Variants in ASAP1 observed in about 807,000 individuals in gnomAD.
ASAP1 encodes ArfGAP with SH3 domain, ankyrin repeat and PH domain 1, also known as arf-GAP with SH3 domain, ANK repeat and PH domain-containing protein 1.
A neutral mutation model predicts 145.2 loss-of-function variants in ASAP1; 43 were observed. That is an observed-to-expected ratio of 0.30 (90% CI 0.23 to 0.38). The LOEUF is 0.38. ASAP1 is among the 10% of genes least tolerant of loss of function. The pLI is 1.00. For missense variants in ASAP1, 1,018 were observed against 1,355.3 expected (o/e 0.75, Z 3.91); for synonymous variants, 546 against 515.5 (o/e 1.06, Z -0.80).
At chr8:130,071,583 G>A (rs973071296) in intron 27 of ASAP1, among the ~76,000 whole-genome samples, 2 of 152,164 alleles carry the variant, frequency 1.3e-5, no homozygotes, top group African/African-American at 2.4e-5. Flanking sequence ...ATGGAGAGAA[G>A]GAGAAATAGT....
chr8:130,189,896 A>G (rs1815020096), intron 5 of ASAP1, among the ~76,000 whole-genome samples: 1 of 152,106 alleles, frequency 6.6e-6, no homozygotes, highest in Non-Finnish European at 1.5e-5. Flanking sequence ...CATTCCTCTG[A>G]TGATTAGTGA....
chr8:130,129,164 A>C (rs1445031108), intron 15 of ASAP1, among the ~76,000 whole-genome samples: 1 of 152,216 alleles, frequency 6.6e-6, no homozygotes, highest in Non-Finnish European at 1.5e-5. Flanking sequence ...CCCTTCCACC[A>C]TAATTGTAAG....
intron 25 of ASAP1, 146 bp downstream of exon 25, chr8:130,091,827 A>G: frequency 1.2e-6 from 1 of 851,610 alleles, no homozygotes; most frequent in Non-Finnish European, 1.7e-6. Flanking sequence ...AGACAGGTAG[A>G]ATCATGTCAT....
At chr8:130,268,318 T>G (rs1345774181) in intron 3 of ASAP1, among the ~76,000 whole-genome samples, 1 of 151,722 alleles carries the variant, frequency 6.6e-6, no homozygotes, top group Non-Finnish European at 1.5e-5. Context: ...AGACTTTGCC[T>G]CTACAAAAAT....
chr8:130,255,511 C>A (rs949176475), intron 3 of ASAP1, among the ~76,000 whole-genome samples: 2 of 152,160 alleles, frequency 1.3e-5, no homozygotes, highest in African/African-American at 4.8e-5. Flanking sequence ...AGCATTGTAT[C>A]ACTCTGATAG....
At chr8:130,442,667 A>C (rs1830525532) in intron 1 of ASAP1, among the ~76,000 whole-genome samples, 1 of 152,148 alleles carries the variant, frequency 6.6e-6, no homozygotes, top group Non-Finnish European at 1.5e-5. Context: ...GTTGAGGTCA[A>C]GTTAACGATG....
At chr8:130,108,119 G>C (rs887340821) in intron 24 of ASAP1, among the ~76,000 whole-genome samples, 71 of 152,290 alleles carry the variant, frequency 4.7e-4, no homozygotes, top group African/African-American at 1.6e-3. Context: ...ATCTATTGAC[G>C]CTCTCAGTAT....
intron 3 of ASAP1, among the ~76,000 whole-genome samples, chr8:130,274,798 A>G (rs1820784776): frequency 6.6e-6 from 1 of 152,210 alleles, no homozygotes; most frequent in Non-Finnish European, 1.5e-5. Flanking sequence ...CTTGATCCAC[A>G]TAAAGCCTTC....
intron 1 of ASAP1, among the ~76,000 whole-genome samples, chr8:130,418,707 T>G (rs1405156085): frequency 6.6e-6 from 1 of 151,606 alleles, no homozygotes; most frequent in East Asian, 1.9e-4. Context: ...AAAATAACAA[T>G]ATAACCTCTG....
chr8:130,237,842 T>C (rs917900678), intron 3 of ASAP1, among the ~76,000 whole-genome samples: 2 of 152,150 alleles, frequency 1.3e-5, no homozygotes, highest in African/African-American at 4.8e-5. Flanking sequence ...CTGGACTAAC[T>C]TGTTAAAACA....
rs144016631 is a variant in ASAP1, at chr8:130,279,712, G to A, written c.187-42718C>T. Among the ~76,000 whole-genome samples, 7 of 152,256 alleles carry A rather than the reference G, an allele frequency of 4.6e-5. No individual in the cohort carries two copies. The East Asian group carries it at 1.4e-3, about 29-fold the overall frequency. ...AATATTGTATAATTTCTATACTACA[G>A]ATGAGAAAGAGTTAGCAATGTAGTA... is the stretch of plus-strand genomic sequence containing the variant. On this transcript the variant is annotated intron_variant, in intron 3 of 29. Coordinates refer to ENST00000518721, the MANE Select transcript of ASAP1 (RefSeq NM_018482.4).
At chr8:130,302,290 G>T (rs1822724305) in intron 3 of ASAP1, among the ~76,000 whole-genome samples, 1 of 152,190 alleles carries the variant, frequency 6.6e-6, no homozygotes, top group South Asian at 2.1e-4. Flanking sequence ...GCTGCTAAAA[G>T]AATAAATATT....
At chr8:130,164,699 T>C (rs1333438010) in intron 11 of ASAP1, among the ~76,000 whole-genome samples, 2 of 152,236 alleles carry the variant, frequency 1.3e-5, no homozygotes, top group African/African-American at 4.8e-5. Context: ...AGAACATTTA[T>C]TTGCTAAGAC....
intron 4 of ASAP1, among the ~76,000 whole-genome samples, chr8:130,227,691 G>T (rs1211480829): frequency 6.7e-6 from 1 of 150,266 alleles, no homozygotes; most frequent in African/African-American, 2.4e-5. Flanking sequence ...ACAGTATATA[G>T]TATAGATAAC....
chr8:130,065,602 A>G (rs906129271), intron 27 of ASAP1, among the ~76,000 whole-genome samples: 1 of 152,206 alleles, frequency 6.6e-6, no homozygotes, highest in African/African-American at 2.4e-5. Context: ...GGAACTGTGG[A>G]CGGATACCAA....
At chr8:130,307,413 G>A (rs928979946) in intron 3 of ASAP1, among the ~76,000 whole-genome samples, 1 of 152,198 alleles carries the variant, frequency 6.6e-6, no homozygotes, top group African/African-American at 2.4e-5. Flanking sequence ...TACAACCTAT[G>A]GCAAGGGGCC....
intron 3 of ASAP1, among the ~76,000 whole-genome samples, chr8:130,278,809 A>G (rs1006073862): frequency 1.3e-5 from 2 of 152,234 alleles, no homozygotes; most frequent in African/African-American, 4.8e-5. Flanking sequence ...CGTACCCAGT[A>G]ACCACTCTGG....
At chr8:130,190,894 G>T (rs1390250210) in intron 5 of ASAP1, among the ~76,000 whole-genome samples, 2 of 152,110 alleles carry the variant, frequency 1.3e-5, no homozygotes, top group Admixed American at 6.6e-5. Flanking sequence ...CAGGTAATGT[G>T]ATGCCTCCAG....
chr8:130,196,261 G>C (rs1815482257), intron 5 of ASAP1, among the ~76,000 whole-genome samples: 1 of 151,790 alleles, frequency 6.6e-6, no homozygotes, highest in African/African-American at 2.4e-5. Flanking sequence ...AGAATCGCTT[G>C]AACCTGGGAG....
Sources: allele counts gnomAD v4.1 joint callset (sites outside exome capture counted in the v4.1 genomes callset), GRCh38; gene constraint gnomAD v4.1.1; transcripts MANE v1.5; gene names NCBI Gene and HGNC (gene_info 2026-07-23, HGNC 2026-07-21).